The following THSD4 variants were observed in gnomAD, a reference collection of about 807,000 sequenced individuals.
The protein encoded by THSD4 is thrombospondin type-1 domain-containing protein 4.
THSD4 carries 69 observed loss-of-function variants against 119.0 expected under a neutral mutation model. The ratio of observed to expected loss-of-function variants is 0.58; its 90% CI spans 0.48 to 0.71. The LOEUF (loss-of-function observed/expected upper bound fraction) is 0.71, where lower values mean the gene tolerates loss of function less well. Ranked by LOEUF, THSD4 falls within the 30% of genes least tolerant of loss-of-function variation. The pLI is 0.00. For synonymous variants in THSD4, 524 were observed against 540.4 expected (o/e 0.97, Z 0.42); for missense variants, 1,393 against 1,391.1 (o/e 1.00, Z -0.02).
At chr15:71,724,713 A>G (rs550100452) in intron 8 of THSD4, among the ~76,000 whole-genome samples, 3 of 152,300 alleles carry the variant, frequency 2.0e-5, no homozygotes, top group Admixed American at 6.5e-5. Context: ...AAGATATTTT[A>G]TTAGTCCAGA....
At chr15:71,576,178 G>A (rs2049445908) in intron 7 of THSD4, among the ~76,000 whole-genome samples, 1 of 151,842 alleles carries the variant, frequency 6.6e-6, no homozygotes, top group South Asian at 2.1e-4. Context: ...AATTCTTTTT[G>A]GAAATTTTGT....
chr15:71,246,344 C>T (rs576931775), intron 5 of THSD4, among the ~76,000 whole-genome samples: 1 of 152,252 alleles, frequency 6.6e-6, no homozygotes, highest in South Asian at 2.1e-4. Flanking sequence ...CTTCCAGGTT[C>T]TCAGTGGTAA....
At chr15:71,599,064 T>C (rs571929888) in intron 7 of THSD4, among the ~76,000 whole-genome samples, 9 of 152,334 alleles carry the variant, frequency 5.9e-5, no homozygotes, top group African/African-American at 2.2e-4. Flanking sequence ...CTTGCACTAC[T>C]GTCAGTATTT....
chr15:71,243,035 C>A lies in THSD4; in HGVS notation c.851C>A (p.Ala284Asp), dbSNP rs758134652. 14 of 1,614,086 alleles carry A rather than the reference C, an allele frequency of 8.7e-6. No individual in the cohort carries two copies. Among genetic ancestry groups the A allele is most frequent in the Non-Finnish European group, 1.2e-5 (14 of 1,180,048 alleles). ...GCAACTCAGAGCTTCTCTCAGCCTGCCCGATCTACAGCAATCTCATGCATC... is the reference window on the plus strand; with the variant it reads ...GCAACTCAGAGCTTCTCTCAGCCTGACCGATCTACAGCAATCTCATGCATC... ...HGATQSFSQPARSTAISCIGA... is the reference protein window; with the variant it reads ...HGATQSFSQPDRSTAISCIGA... Residue 284 changes from alanine to aspartate, a missense_variant, in exon 5 of 18, where the codon GCC becomes GAC. By Grantham distance (126) the Ala-to-Asp change is moderately radical. Coordinates refer to ENST00000261862, the MANE Select transcript of THSD4 (RefSeq NM_024817.3).
intron 7 of THSD4, among the ~76,000 whole-genome samples, chr15:71,616,658 A>G (rs2050323165): frequency 6.6e-6 from 1 of 152,232 alleles, no homozygotes; most frequent in African/African-American, 2.4e-5. Flanking sequence ...ATCCACTGTG[A>G]GGAAGCATTT....
chr15:71,651,222 A>C (rs2051081402), intron 7 of THSD4, among the ~76,000 whole-genome samples: 1 of 152,192 alleles, frequency 6.6e-6, no homozygotes, highest in Non-Finnish European at 1.5e-5. Context: ...TCTTCAGTCC[A>C]GTTGGCCATT....
intron 7 of THSD4, among the ~76,000 whole-genome samples, chr15:71,558,496 T>C (rs1301212699): frequency 1.3e-5 from 2 of 152,214 alleles, no homozygotes; most frequent in African/African-American, 4.8e-5. Flanking sequence ...TTTTTTGTTT[T>C]GTTTTAAGAC....
chr15:71,586,712 A>G (rs2049677720), intron 7 of THSD4, among the ~76,000 whole-genome samples: 1 of 152,180 alleles, frequency 6.6e-6, no homozygotes, highest in South Asian at 2.1e-4. Context: ...ACATAACCTA[A>G]TTGTGGGAGC....
chr15:71,510,807 C>G (rs1162465424), intron 7 of THSD4, among the ~76,000 whole-genome samples: 1 of 152,008 alleles, frequency 6.6e-6, no homozygotes, highest in African/African-American at 2.4e-5. Flanking sequence ...AATTAAAAGT[C>G]TCATTATTTA....
intron 11 of THSD4, among the ~76,000 whole-genome samples, chr15:71,744,873 C>T (rs2053304570): frequency 6.6e-6 from 1 of 152,148 alleles, no homozygotes; most frequent in Non-Finnish European, 1.5e-5. Context: ...ATTATTGATT[C>T]CTTTTAGGGC....
intron 16 of THSD4, chr15:71,767,791 T>C (rs981245608): frequency 3.3e-5 from 5 of 152,176 alleles, no homozygotes; most frequent in Admixed American, 6.5e-5. Context: ...TGGGGCAGCA[T>C]ATATGTAAGT....
intron 1 of THSD4, among the ~76,000 whole-genome samples, chr15:71,101,224 C>T (rs761745029): frequency 1.3e-4 from 20 of 151,894 alleles, no homozygotes; most frequent in Non-Finnish European, 2.4e-4. Context: ...CTAGAGATTA[C>T]AGTATATGGT....
chr15:71,665,029 G>A (rs1414527785), intron 8 of THSD4, among the ~76,000 whole-genome samples: 4 of 152,098 alleles, frequency 2.6e-5, no homozygotes, highest in African/African-American at 4.8e-5. Context: ...TTGCTGGGTC[G>A]AATGGTAGTT....
intron 6 of THSD4, among the ~76,000 whole-genome samples, chr15:71,375,441 T>G (rs1030125878): frequency 1.3e-5 from 2 of 152,174 alleles, no homozygotes; most frequent in African/African-American, 4.8e-5. Context: ...CTCCCATCAC[T>G]TTCACACTGA....
intron 8 of THSD4, among the ~76,000 whole-genome samples, chr15:71,683,527 G>C (rs2051841111): frequency 6.6e-6 from 1 of 151,156 alleles, no homozygotes. Flanking sequence ...AATAAAACAG[G>C]GGAAGAGGAG....
At chr15:71,586,582 C>T (rs2049675018) in intron 7 of THSD4, among the ~76,000 whole-genome samples, 1 of 152,132 alleles carries the variant, frequency 6.6e-6, no homozygotes, top group African/African-American at 2.4e-5. Context: ...TCAGAAACAG[C>T]ATGCTAAATC....
At chr15:71,516,440 T>C (rs1458428061) in intron 7 of THSD4, among the ~76,000 whole-genome samples, 1 of 152,220 alleles carries the variant, frequency 6.6e-6, no homozygotes, top group Non-Finnish European at 1.5e-5. Context: ...CATAGTCTCA[T>C]ACCTCCTTTC....
chr15:71,108,845 A>C (rs1414540679), intron 1 of THSD4, among the ~76,000 whole-genome samples: 1 of 152,142 alleles, frequency 6.6e-6, no homozygotes, highest in African/African-American at 2.4e-5. Context: ...TACAAAAATT[A>C]GCTGGGTGTG....
chr15:71,549,251 C>T (rs1288503859), intron 7 of THSD4, among the ~76,000 whole-genome samples: 6 of 152,200 alleles, frequency 3.9e-5, no homozygotes, highest in Admixed American at 6.5e-5. Flanking sequence ...AGTGAGATGC[C>T]TGCCCTCCTG....
Sources: allele counts gnomAD v4.1 joint callset (sites outside exome capture counted in the v4.1 genomes callset), GRCh38; gene constraint gnomAD v4.1.1; transcripts MANE v1.5; gene names NCBI Gene and HGNC (gene_info 2026-07-23, HGNC 2026-07-21).